The following CD82 variants were observed in gnomAD, a reference collection of about 807,000 sequenced individuals.
CD82 encodes CD82 antigen.
CD82 carries 36 observed loss-of-function variants against 37.4 expected under a neutral mutation model. The ratio of observed to expected loss-of-function variants is 0.96; its 90% CI spans 0.74 to 1.27. The LOEUF (loss-of-function observed/expected upper bound fraction) is 1.27, where lower values mean the gene tolerates loss of function less well. CD82 is among the 50% of genes most tolerant of loss of function. The probability of loss-of-function intolerance (pLI) is 0.00; values close to 1 mark genes in which losing one functional copy is unlikely to be tolerated. For synonymous variants in CD82, 158 were observed against 137.4 expected (o/e 1.15, Z -1.05); for missense variants, 340 against 347.0 (o/e 0.98, Z 0.16).
intron 1 of CD82, among the ~76,000 whole-genome samples, chr11:44,586,088 G>A (rs1337026162): frequency 6.6e-6 from 1 of 152,172 alleles, no homozygotes; most frequent in Non-Finnish European, 1.5e-5. Flanking sequence ...CCTGTGTGAG[G>A]GATGGAGCCA....
rs1853245348 is a variant in CD82 at position 44,597,431 on chromosome 11, T to A, written c.63+2706T>A. 6.6e-6 allele frequency among the ~76,000 whole-genome samples: 1 copy of A among 152,252 alleles called. No homozygotes were observed. Among genetic ancestry groups the A allele is most frequent in the Non-Finnish European group, 1.5e-5 (1 of 68,036 alleles). On this transcript the variant is annotated intron_variant, in intron 3 of 9. Coordinates refer to ENST00000227155, the MANE Select transcript of CD82 (RefSeq NM_002231.4). The surrounding 1 kb of genome is among the most constrained non-coding windows in gnomAD (Gnocchi z 4.1). The stretch of plus-strand genomic sequence containing the variant: ...GTTCACAGAGAAAAAGGGGGTGCCA[T>A]GGTGCCTTGCCCATTCTGGTAGGCT...
intron 1 of CD82, among the ~76,000 whole-genome samples, chr11:44,571,281 C>CTGGGCT (rs1278927595): frequency 3.9e-5 from 6 of 152,264 alleles, no homozygotes. Context: ...TGAGTCCCAG[C>CTGGGCT]TGGGCTTGGG....
chr11:44,613,191 C>G (rs1194373234), intron 6 of CD82, among the ~76,000 whole-genome samples: 1 of 152,186 alleles, frequency 6.6e-6, no homozygotes, highest in African/African-American at 2.4e-5. Flanking sequence ...TCCCTGCCTT[C>G]TAGGGTCCCT....
At chr11:44,581,235 A>G (rs1174934370) in intron 1 of CD82, among the ~76,000 whole-genome samples, 1 of 152,184 alleles carries the variant, frequency 6.6e-6, no homozygotes, top group African/African-American at 2.4e-5. Flanking sequence ...GTGACAGTAA[A>G]GCTCAGGGGC....
chr11:44,618,146 C>T lies in CD82; in HGVS notation c.439-16C>T. 1 of 1,612,606 alleles carries T rather than the reference C, an allele frequency of 6.2e-7. No homozygotes were observed. On this transcript the variant is annotated splice_polypyrimidine_tract_variant and intron_variant, in intron 7 of 9. Coordinates refer to ENST00000227155, the MANE Select transcript of CD82 (RefSeq NM_002231.4). ...TGAGCCGTGAGCACAAGCAGTCTGTCCCCTGCCTTGCCCAGGTGAAGTGCT... is the reference window on the plus strand; with the variant it reads ...TGAGCCGTGAGCACAAGCAGTCTGTTCCCTGCCTTGCCCAGGTGAAGTGCT...
At chr11:44,605,470 A>AC in intron 6 of CD82, 41 bp downstream of exon 6, 1 of 1,570,706 alleles carries the variant, frequency 6.4e-7, no homozygotes, top group South Asian at 1.1e-5. Flanking sequence ...GGCTGGACCA[A>AC]CCATGGGGGT....
chr11:44,578,076 C>T (rs993428216), intron 1 of CD82, among the ~76,000 whole-genome samples: 5 of 152,200 alleles, frequency 3.3e-5, no homozygotes, highest in Admixed American at 6.5e-5. Flanking sequence ...CACACATGAT[C>T]GGCAAACAGG....
At chr11:44,600,542 T>C (rs1466986351) in intron 4 of CD82, among the ~76,000 whole-genome samples, 1 of 152,212 alleles carries the variant, frequency 6.6e-6, no homozygotes, top group Non-Finnish European at 1.5e-5. Flanking sequence ...TTACATTCTC[T>C]GTCCCGTCAC....
At chr11:44,596,792 C>T in intron 3 of CD82, 1 of 412,162 alleles carries the variant, frequency 2.4e-6, no homozygotes, top group Non-Finnish European at 4.9e-6. Context: ...ACCTCAGCAT[C>T]TTCAGATGTT....
At chr11:44,587,216 A>G in intron 1 of CD82, 2 of 344,582 alleles carry the variant, frequency 5.8e-6, no homozygotes, top group East Asian at 1.5e-4. Context: ...GTGGGAAAAT[A>G]CGGGAAAAGA....
At chr11:44,615,442 C>A in intron 7 of CD82, 69 bp downstream of exon 7, 1 of 940,808 alleles carries the variant, frequency 1.1e-6, no homozygotes, top group South Asian at 1.3e-5. Flanking sequence ...TCTGTGCACC[C>A]ACATGTCTGG....
In CD82 at chr11:44,618,377, G is replaced by C. The variant is rs904205967; in HGVS notation, c.642+12G>C. ...CTGTGTACCAGGAGGTGTGCGGGGG[G>C]CTGCGGATCGGGGGCGGGGCTCCGA... On this transcript the variant is annotated intron_variant, in intron 8 of 9. Coordinates refer to ENST00000227155, the MANE Select transcript of CD82 (RefSeq NM_002231.4). 6.8e-6 allele frequency: 11 copies of C among 1,609,226 alleles called. No individual in the cohort carries two copies. The highest frequency in any genetic ancestry group is 6.7e-5 in the East Asian group (3 of 44,832).
chr11:44,582,563 T>TA (rs1320352614), intron 1 of CD82, among the ~76,000 whole-genome samples: 1 of 152,206 alleles, frequency 6.6e-6, no homozygotes, highest in East Asian at 1.9e-4. Flanking sequence ...GTCATGTGGA[T>TA]ACTGAGAAAT....
intron 1 of CD82, chr11:44,587,166 C>T (rs979244371): frequency 1.2e-5 from 4 of 340,910 alleles, no homozygotes; most frequent in South Asian, 4.6e-5. Flanking sequence ...TTAGGGAGGG[C>T]CTTTGGGAGG....
intron 4 of CD82, among the ~76,000 whole-genome samples, chr11:44,602,575 G>T (rs1420393561): frequency 6.6e-6 from 1 of 152,216 alleles, no homozygotes; most frequent in Non-Finnish European, 1.5e-5. Context: ...TGTGTTGGCA[G>T]CAGAGCTGGG....
In CD82 at chr11:44,587,491, G is replaced by C. The variant is rs1383498145; in HGVS notation, c.-86G>C. 5 of 456,376 alleles carry C rather than the reference G, an allele frequency of 1.1e-5. No homozygotes were observed. Among genetic ancestry groups the C allele is most frequent in the Admixed American group, 4.7e-5 (2 of 42,592 alleles). The allele number at this position is 456,376 out of a possible 1,614,324, so 28.3% of individuals were successfully genotyped here. The stretch of plus-strand genomic sequence containing the variant: ...GTTTTTCAGAGTCCTCCCTGCTGCT[G>C]TGTGGACGACACGTGGGCACAGGCA... On this transcript the variant is annotated 5_prime_UTR_variant, in exon 2 of 10. Coordinates refer to ENST00000227155, the MANE Select transcript of CD82 (RefSeq NM_002231.4).
chr11:44,595,005 G>T, intron 3 of CD82: 1 of 479,106 alleles, frequency 2.1e-6, no homozygotes. Flanking sequence ...GGGAAGGAGA[G>T]GAGAGCCCCT....
At chr11:44,618,917 C>A in intron 9 of CD82, 132 bp from the exon 10 acceptor site, 1 of 883,398 alleles carries the variant, frequency 1.1e-6, no homozygotes, top group South Asian at 1.4e-5. Flanking sequence ...CCCTCTGCTG[C>A]CTGCATCACA....
chr11:44,578,951 T>C (rs1852939749), intron 1 of CD82, among the ~76,000 whole-genome samples: 1 of 151,964 alleles, frequency 6.6e-6, no homozygotes, highest in African/African-American at 2.4e-5. Context: ...GTGGAGGGGA[T>C]TGGATGGGGC....
Sources: gnomAD v4.1 joint callset for allele counts (sites outside exome capture counted in the v4.1 genomes callset) on GRCh38, gnomAD v4.1.1 for gene constraint, Gnocchi (gnomAD v3.1) non-coding constraint, MANE v1.5 for transcripts, NCBI Gene and HGNC (gene_info 2026-07-23, HGNC 2026-07-21) for gene names.